Variants in ANXA8 observed in about 807,000 individuals in gnomAD.
ANXA8 encodes VAC-beta.
Under a neutral mutation model 26.8 loss-of-function variants are expected in ANXA8, and 9 were observed. That is an observed-to-expected ratio of 0.34 (90% CI 0.20 to 0.59). The LOEUF is 0.59. Among genes scored for constraint, ANXA8 ranks in the 20% least tolerant of loss-of-function variants. The probability of loss-of-function intolerance (pLI) is 0.84; values close to 1 mark genes in which losing one functional copy is unlikely to be tolerated. For synonymous variants in ANXA8, 39 were observed against 94.8 expected (o/e 0.41, Z 3.42); for missense variants, 83 against 238.5 (o/e 0.35, Z 4.29).
At chr10:47,673,039 G>A in the ANXA8 span, among the ~76,000 whole-genome samples, 1 of 149,654 alleles carries the variant, frequency 6.7e-6, no homozygotes, top group Non-Finnish European at 1.5e-5. Flanking sequence ...TAGATGAGGG[G>A]AAAGGAGAAA....
the ANXA8 span, among the ~76,000 whole-genome samples, chr10:47,942,814 G>A: frequency 7.5e-5 from 11 of 146,108 alleles, no homozygotes; most frequent in South Asian, 2.4e-3. Context: ...CCTACAGGCG[G>A]CAGGAGGCCA....
At chr10:47,626,523 T>C in the ANXA8 span, among the ~76,000 whole-genome samples, 1 of 149,914 alleles carries the variant, frequency 6.7e-6, no homozygotes, top group South Asian at 2.1e-4. Flanking sequence ...AAGATTTTAT[T>C]CAGTTTTAGA....
At chr10:47,469,750 C>T (rs1271939825) in intron 11 of ANXA8, among the ~76,000 whole-genome samples, 1 of 151,430 alleles carries the variant, frequency 6.6e-6, no homozygotes, top group Non-Finnish European at 1.5e-5. Context: ...TAGACTGGGG[C>T]TAGACCCACT....
At chr10:47,568,866 C>T in the ANXA8 span, among the ~76,000 whole-genome samples, 1 of 28,898 alleles carries the variant, frequency 3.5e-5, no homozygotes, top group African/African-American at 2.1e-4. Flanking sequence ...GGAGTAAACC[C>T]GGGAGGTGGA....
chr10:47,528,502 C>T, the ANXA8 span, among the ~76,000 whole-genome samples: 2 of 147,312 alleles, frequency 1.4e-5, no homozygotes, highest in Non-Finnish European at 1.5e-5. Flanking sequence ...ATAATGTCTT[C>T]CCTAAAAGTG....
the ANXA8 span, among the ~76,000 whole-genome samples, chr10:47,627,385 T>C: frequency 6.7e-6 from 1 of 150,254 alleles, no homozygotes; most frequent in African/African-American, 2.5e-5. Flanking sequence ...TCTTGAAGTT[T>C]CTCTCAAACT....
chr10:47,976,043 G>A, the ANXA8 span, among the ~76,000 whole-genome samples: 406 of 148,768 alleles, frequency 2.7e-3, 2 homozygotes, highest in African/African-American at 9.4e-3. Flanking sequence ...CAAAATGAAT[G>A]TTTGCCTTCA....
chr10:47,753,127 A>G, the ANXA8 span: 1 of 980,810 alleles, frequency 1.0e-6, no homozygotes, highest in Non-Finnish European at 1.2e-6. Flanking sequence ...AAAATAAAAA[A>G]AAAAAAGAAA....
At chr10:47,947,352 G>A in the ANXA8 span, among the ~76,000 whole-genome samples, 7 of 140,558 alleles carry the variant, frequency 5.0e-5, no homozygotes, top group African/African-American at 1.1e-4. Context: ...CTCCCTGGAA[G>A]GGAATTGCTA....
At chr10:47,630,403 C>T in the ANXA8 span, among the ~76,000 whole-genome samples, 1 of 149,486 alleles carries the variant, frequency 6.7e-6, no homozygotes, top group African/African-American at 2.5e-5. Context: ...TAAATAAGAA[C>T]CAACTCAAAA....
chr10:47,573,897 A>G, the ANXA8 span, among the ~76,000 whole-genome samples: 3 of 150,422 alleles, frequency 2.0e-5, no homozygotes, highest in African/African-American at 7.4e-5. Context: ...GAACATTTCA[A>G]AGTTGTCTTA....
chr10:47,638,943 G>A, the ANXA8 span, among the ~76,000 whole-genome samples: 545 of 146,820 alleles, frequency 3.7e-3, no homozygotes, highest in Non-Finnish European at 5.7e-3. Context: ...AAAGGACGAG[G>A]CTTTTATCTG....
At chr10:47,744,431 A>C in the ANXA8 span, among the ~76,000 whole-genome samples, 1 of 5,398 alleles carries the variant, frequency 1.9e-4, no homozygotes, top group African/African-American at 9.0e-4. Context: ...GTTGGGGGGG[A>C]GGGGGGAAGA....
At chr10:47,511,156 G>C in the ANXA8 span, among the ~76,000 whole-genome samples, 6 of 134,304 alleles carry the variant, frequency 4.5e-5, 2 homozygotes, top group East Asian at 1.8e-3. Flanking sequence ...TGTTAGCCAG[G>C]ATGGTCTCGA....
At chr10:47,707,192 AAG>A in the ANXA8 span, among the ~76,000 whole-genome samples, 3 of 143,442 alleles carry the variant, frequency 2.1e-5, no homozygotes, top group Non-Finnish European at 3.1e-5. Flanking sequence ...AAACAAAAAA[AAG>A]AGTAAACCAA....
chr10:47,595,993 A>G, the ANXA8 span, among the ~76,000 whole-genome samples: 2 of 147,888 alleles, frequency 1.4e-5, no homozygotes, highest in Non-Finnish European at 2.9e-5. Flanking sequence ...AACATACTCT[A>G]AGAGTGATCA....
chr10:47,487,524 C>T, upstream of ANXA8: 1 of 485,284 alleles, frequency 2.1e-6, no homozygotes, highest in Admixed American at 4.0e-5. Context: ...CCCGATGGGA[C>T]CAAGGGCAGC....
chr10:47,617,243 TG>T, the ANXA8 span, among the ~76,000 whole-genome samples: 1 of 147,412 alleles, frequency 6.8e-6, no homozygotes, highest in Non-Finnish European at 1.5e-5. Flanking sequence ...TGCATAAATC[TG>T]AGGACAAAAT....
the ANXA8 span, among the ~76,000 whole-genome samples, chr10:47,738,825 C>T: frequency 1.3e-5 from 2 of 151,874 alleles, no homozygotes; most frequent in Non-Finnish European, 2.9e-5. Flanking sequence ...AATCCACCTG[C>T]CTCAGCCTCC....
Sources: allele counts gnomAD v4.1 joint callset (sites outside exome capture counted in the v4.1 genomes callset), GRCh38; gene constraint gnomAD v4.1.1; transcripts MANE v1.5; gene names NCBI Gene and HGNC (gene_info 2026-07-23, HGNC 2026-07-21).